The following C10orf67 variants were observed in gnomAD, a reference collection of about 807,000 sequenced individuals.
C10orf67 encodes chromosome 10 open reading frame 67.
C10orf67 carries 60 observed loss-of-function variants against 35.6 expected under a neutral mutation model. The observed-to-expected ratio is 1.68, with a 90% CI of 1.37 to 2.09. The LOEUF (loss-of-function observed/expected upper bound fraction) is 2.09. C10orf67 is among the 30% of genes most tolerant of loss of function. C10orf67 has a pLI of 0.00. For synonymous variants in C10orf67, 167 were observed against 115.8 expected (o/e 1.44, Z -2.84); for missense variants, 474 against 330.2 (o/e 1.44, Z -3.38).
chr10:23,303,500 G>A (rs764908490), intron 4 of C10orf67, 41 bp from the exon 5 acceptor site: 1 of 451,876 alleles, frequency 2.2e-6, no homozygotes, highest in Non-Finnish European at 4.0e-6. Flanking sequence ...TAGACACTAA[G>A]CATTAAAAAT....
In C10orf67 at chr10:23,227,650, C is replaced by T. The variant is rs189510819; in HGVS notation, c.1435-3832G>A. 7.9e-4 allele frequency among the ~76,000 whole-genome samples: 120 copies of T among 152,248 alleles called. 2 individuals carry two copies. The highest frequency in any genetic ancestry group is 3.1e-3 in the Admixed American group (47 of 15,286). ...TTTGGAAAAGAGGAAGTCAAATTGT[C>T]CCTGTTTGCAGATGACATGATTGTA... On this transcript the variant is annotated intron_variant, in intron 13 of 15. Coordinates refer to ENST00000636213, the MANE Select transcript of C10orf67 (RefSeq NM_001371909.1).
intron 4 of C10orf67, among the ~76,000 whole-genome samples, chr10:23,311,084 G>A (rs1310012418): frequency 6.6e-6 from 1 of 151,898 alleles, no homozygotes; most frequent in African/African-American, 2.4e-5. Flanking sequence ...CTCCTGTCTT[G>A]GCTTCCCAAG....
chr10:23,240,472 G>A (rs1350894084), intron 12 of C10orf67, among the ~76,000 whole-genome samples: 1 of 152,190 alleles, frequency 6.6e-6, no homozygotes. Context: ...CAACTTGAAA[G>A]AGTTCCTGTT....
intron 4 of C10orf67, among the ~76,000 whole-genome samples, chr10:23,307,038 G>A (rs1844312757): frequency 1.3e-5 from 2 of 152,136 alleles, no homozygotes; most frequent in South Asian, 4.1e-4. Context: ...TGCCTCAATA[G>A]ACTGGAATGG....
chr10:23,277,629 C>T (rs1843231121), intron 8 of C10orf67, among the ~76,000 whole-genome samples: 1 of 151,618 alleles, frequency 6.6e-6, no homozygotes, highest in African/African-American at 2.4e-5. Flanking sequence ...TTTTGCTAAA[C>T]ATTTTCTGTG....
At chr10:23,327,954 A>G (rs1845261253) in intron 2 of C10orf67, among the ~76,000 whole-genome samples, 1 of 152,188 alleles carries the variant, frequency 6.6e-6, no homozygotes, top group Non-Finnish European at 1.5e-5. Flanking sequence ...TCCAACAAGA[A>G]AGCACTGAAG....
At chr10:23,247,066 T>C (rs145267118) in intron 12 of C10orf67, among the ~76,000 whole-genome samples, 2 of 152,166 alleles carry the variant, frequency 1.3e-5, no homozygotes, top group African/African-American at 4.8e-5. Context: ...TTTTAAAAAT[T>C]AGAGAGTTTA....
At chr10:23,230,753 A>G (rs1055384453) in intron 13 of C10orf67, among the ~76,000 whole-genome samples, 4 of 152,052 alleles carry the variant, frequency 2.6e-5, no homozygotes, top group Non-Finnish European at 4.4e-5. Context: ...AAACACACAC[A>G]TACACGTAAA....
intron 8 of C10orf67, among the ~76,000 whole-genome samples, chr10:23,278,614 C>T (rs1270829954): frequency 4.6e-5 from 7 of 152,130 alleles, no homozygotes; most frequent in Non-Finnish European, 7.3e-5. Flanking sequence ...CTGTGTGCCA[C>T]GCCAGCATGA....
chr10:23,250,680 T>C lies in C10orf67; in HGVS notation c.1212A>G (p.Lys404=). 2.5e-6 allele frequency: 1 copy of C among 398,652 alleles called. No homozygotes were observed. Among genetic ancestry groups the C allele is most frequent in the Non-Finnish European group, 4.4e-6 (1 of 225,850 alleles). The allele number at this position is 398,652 out of a possible 1,614,324, so 24.7% of individuals were successfully genotyped here. A position where few individuals can be genotyped will look rare whatever the true frequency, so the allele number is the denominator to read the frequency against. The change falls in exon 11 of 16, where the codon AAA becomes AAG. Residue 404 remains lysine (K), a synonymous_variant. Coordinates refer to ENST00000636213, the MANE Select transcript of C10orf67 (RefSeq NM_001371909.1). ...CTTCTATTTGAGACTCCAAACCATGTTTGTCTTCAACCTTTCAATAGAAAA... is the reference window on the plus strand; with the variant it reads ...CTTCTATTTGAGACTCCAAACCATGCTTGTCTTCAACCTTTCAATAGAAAA... ...LKEDQAVVED[K]HGLESQIEAL...
rs544741916 is a variant in C10orf67, at chr10:23,256,903, G to C, written c.1201-6212C>G. Among the ~76,000 whole-genome samples the C allele has an allele frequency of 9.8e-5, 15 of 152,302 alleles. No homozygotes were observed. The South Asian group carries it at 3.1e-3, about 32-fold the overall frequency. On this transcript the variant is annotated intron_variant, in intron 10 of 15. Coordinates refer to ENST00000636213, the MANE Select transcript of C10orf67 (RefSeq NM_001371909.1). ...CTGGCCAACCAGGCTCAAAGAAGGT[G>C]ATCAGTGGTTGATGCTGTGAAGAAG... is the stretch of plus-strand genomic sequence containing the variant.
At chr10:23,249,490 A>C (rs1202743500) in intron 12 of C10orf67, among the ~76,000 whole-genome samples, 1 of 152,198 alleles carries the variant, frequency 6.6e-6, no homozygotes, top group African/African-American at 2.4e-5. Context: ...TTCAGCACCA[A>C]ACAGAACAAG....
chr10:23,250,322 T>A (rs1842414889), intron 12 of C10orf67, 133 bp downstream of exon 12: 1 of 392,986 alleles, frequency 2.5e-6, no homozygotes, highest in African/African-American at 2.1e-5. Context: ...TTAGACCAAT[T>A]ATTTTGCATT....
intron 1 of C10orf67, among the ~76,000 whole-genome samples, chr10:23,342,218 CCACACA>C (rs111662364): frequency 6.1e-4 from 92 of 149,692 alleles, no homozygotes; most frequent in African/African-American, 2.0e-3. Flanking sequence ...TCCCCACTTG[CCACACA>C]CACACACACA....
Position 23,290,191 on chromosome 10 carries a change from G to A in C10orf67, c.851-233C>T, listed in dbSNP as rs562812727. On this transcript the variant is annotated intron_variant, in intron 6 of 15. Coordinates refer to ENST00000636213, the MANE Select transcript of C10orf67 (RefSeq NM_001371909.1). The stretch of plus-strand genomic sequence containing the variant: ...AGTTCAAGATCCAAGTGTGGCTGAG[G>A]GCTGAAAGCTTTTCATCAATACTAG... Among the ~76,000 whole-genome samples the A allele has an allele frequency of 9.9e-5, 15 of 152,256 alleles. No homozygotes were observed. The South Asian group carries it at 3.1e-3, about 32-fold the overall frequency.
chr10:23,250,035 G>C (rs927188704), intron 12 of C10orf67, among the ~76,000 whole-genome samples: 2 of 152,178 alleles, frequency 1.3e-5, no homozygotes, highest in African/African-American at 4.8e-5. Context: ...AAATAGATTT[G>C]AGAGGTTGAG....
chr10:23,341,409 C>T (rs1037236765), intron 1 of C10orf67, among the ~76,000 whole-genome samples: 13 of 152,182 alleles, frequency 8.5e-5, no homozygotes, highest in Non-Finnish European at 1.0e-4. Context: ...ACAGTCTCTC[C>T]GGACCTCCAA....
chr10:23,210,034 A>G (rs199834859), intron 15 of C10orf67, among the ~76,000 whole-genome samples: 1 of 150,758 alleles, frequency 6.6e-6, no homozygotes, highest in East Asian at 2.0e-4. Context: ...GAATTAAGGA[A>G]TGCTTAGCAG....
chr10:23,204,078 G>C lies in C10orf67; in HGVS notation c.*95C>G, dbSNP rs905223455. 1 of 445,374 alleles carries C rather than the reference G, an allele frequency of 2.2e-6. No homozygotes were observed. Among genetic ancestry groups the C allele is most frequent in the African/African-American group, 2.0e-5 (1 of 49,092 alleles). 27.6% of individuals were successfully genotyped at this position (445,374 alleles called of 1,614,324 possible). A position where few individuals can be genotyped will look rare whatever the true frequency, so the allele number is the denominator to read the frequency against. ...TAAACAATTAGTTTAGAAAATCCTT[G>C]GAGATAGTATCCTTTCCGAGGGAGG... On this transcript the variant is annotated 3_prime_UTR_variant, in exon 16 of 16. Transcript: ENST00000636213.
Sources: allele counts gnomAD v4.1 joint callset (sites outside exome capture counted in the v4.1 genomes callset), GRCh38; gene constraint gnomAD v4.1.1; transcripts MANE v1.5; gene names NCBI Gene and HGNC (gene_info 2026-07-23, HGNC 2026-07-21).